The following SPTA1 variants were observed in gnomAD, a reference collection of about 807,000 sequenced individuals.
SPTA1 encodes spectrin alpha chain, erythrocytic 1.
A neutral mutation model predicts 324.7 loss-of-function variants in SPTA1; 177 were observed. The ratio of observed to expected loss-of-function variants is 0.55; its 90% CI spans 0.48 to 0.62. The LOEUF (loss-of-function observed/expected upper bound fraction) is 0.62. Ranked by LOEUF, SPTA1 falls within the 20% of genes least tolerant of loss-of-function variation. The pLI is 0.00. For missense variants in SPTA1, 3,162 were observed against 2,883.6 expected (o/e 1.10, Z -2.21); for synonymous variants, 1,195 against 1,041.3 (o/e 1.15, Z -2.84).
At position 158,677,685 on chromosome 1, in the gene SPTA1, A is replaced by G. The variant is rs751174951; in HGVS notation, c.957+5T>C. On this transcript the variant is annotated splice_donor_5th_base_variant and intron_variant, in intron 7 of 51. Coordinates refer to ENST00000643759, the MANE Select transcript of SPTA1 (RefSeq NM_003126.4). ...GGGTTAGCCATTTCTCTAACAGCGC[A>G]TTACCTTGTCACTCATGACAGCAAG... The G allele has an allele frequency of 1.2e-6, 2 of 1,613,180 alleles. No homozygotes were observed. Among genetic ancestry groups the G allele is most frequent in the Non-Finnish European group, 1.7e-6 (2 of 1,179,560 alleles).
chr1:158,633,294 G>GT (rs781555291), intron 39 of SPTA1, among the ~76,000 whole-genome samples: 1 of 152,092 alleles, frequency 6.6e-6, no homozygotes, highest in African/African-American at 2.4e-5. Context: ...TTTTCTGGAT[G>GT]TTTCCATTAG....
intron 7 of SPTA1, among the ~76,000 whole-genome samples, chr1:158,677,110 T>C (rs894241711): frequency 6.6e-6 from 1 of 152,170 alleles, no homozygotes. Context: ...GTTTACGTTC[T>C]GGCTACATTT....
chr1:158,618,146 G>T, intron 45 of SPTA1, 90 bp from the exon 46 acceptor site: 2 of 1,338,622 alleles, frequency 1.5e-6, no homozygotes, highest in Non-Finnish European at 2.1e-6. Flanking sequence ...CATTTCCTCA[G>T]ATTTATGAAA....
intron 3 of SPTA1, among the ~76,000 whole-genome samples, chr1:158,682,861 A>G (rs1221768363): frequency 6.6e-6 from 1 of 152,104 alleles, no homozygotes; most frequent in African/African-American, 2.4e-5. Flanking sequence ...ACTACATGAC[A>G]TTTGGGAGTT....
intron 16 of SPTA1, among the ~76,000 whole-genome samples, chr1:158,664,498 G>T (rs1571488896): frequency 6.6e-6 from 1 of 152,116 alleles, no homozygotes; most frequent in South Asian, 2.1e-4. Flanking sequence ...TGGACACAGG[G>T]AGGGGAACAT....
At position 158,648,583 on chromosome 1, in the gene SPTA1, C is replaced by G; in HGVS notation, c.3640G>C (p.Asp1214His). ...TGAAGAGCCTGAACACTGAACAGAT[C>G]TGAGCCAGGGTCTGCAGCACTGAGG... The part of the protein sequence containing the change: ...QALSAADPGS[D>H]LFSVQALQRR... The change falls in exon 26 of 52, where the codon GAT (aspartate) becomes CAT (histidine). Residue 1214 changes from aspartate to histidine, a missense_variant. By Grantham distance (81) the Asp-to-His change is moderately conservative (BLOSUM62 -1). Coordinates refer to ENST00000643759, the MANE Select transcript of SPTA1 (RefSeq NM_003126.4). The G allele has an allele frequency of 1.2e-6, 2 of 1,614,030 alleles. No homozygotes were observed. Among genetic ancestry groups the G allele is most frequent in the East Asian group, 2.2e-5 (1 of 44,872 alleles).
chr1:158,666,244 T>C, intron 16 of SPTA1, 72 bp downstream of exon 16: 1 of 1,498,140 alleles, frequency 6.7e-7, no homozygotes, highest in Non-Finnish European at 9.2e-7. Context: ...TAATTACTTA[T>C]TACTTAATAA....
rs766595064 is a variant in SPTA1, at chr1:158,614,246, T to C, written c.6842+7A>G. 3 of 1,573,326 alleles carry C rather than the reference T, an allele frequency of 1.9e-6. No individual in the cohort carries two copies. In the Admixed American group the frequency reaches 5.0e-5, roughly 26 times the overall value. ...AAAGAAGCAGTTAACTATGAAATTA[T>C]ACTCACTTATAGATTGTGCTAAATT... is the stretch of plus-strand genomic sequence containing the variant. On this transcript the variant is annotated splice_region_variant and intron_variant, in intron 49 of 51. Coordinates refer to ENST00000643759, the MANE Select transcript of SPTA1 (RefSeq NM_003126.4).
intron 27 of SPTA1, 100 bp downstream of exon 27, chr1:158,647,439 T>A: frequency 6.9e-7 from 1 of 1,452,696 alleles, no homozygotes; most frequent in East Asian, 2.3e-5. Context: ...TTAAACGTAG[T>A]GATGCCCTCC....
intron 47 of SPTA1, among the ~76,000 whole-genome samples, chr1:158,615,685 C>T (rs1307495747): frequency 6.9e-6 from 1 of 144,868 alleles, no homozygotes; most frequent in South Asian, 2.2e-4. Flanking sequence ...TCTATATATT[C>T]TTTCTATCTA....
At chr1:158,621,871 A>G (rs954385641) in intron 43 of SPTA1, among the ~76,000 whole-genome samples, 2 of 151,910 alleles carry the variant, frequency 1.3e-5, no homozygotes, top group Admixed American at 6.6e-5. Flanking sequence ...ATTTCCTTTT[A>G]TTTATTTTTT....
intron 14 of SPTA1, 131 bp downstream of exon 14, chr1:158,669,276 CT>C: frequency 1.6e-6 from 2 of 1,277,690 alleles, no homozygotes; most frequent in Admixed American, 3.5e-5. Context: ...TTGCCCTTTT[CT>C]GAGCCTCTGT....
Position 158,667,721 on chromosome 1 carries a change from A to C in SPTA1, c.2038+137T>G, listed in dbSNP as rs1653711968. On this transcript the variant is annotated intron_variant, in intron 15 of 51. Coordinates refer to ENST00000643759, the MANE Select transcript of SPTA1 (RefSeq NM_003126.4). ...GTTGGATTTTTAAAATTTTACCAAT[A>C]AAAGAAAGACACATGGAAGCAAATG... is the stretch of plus-strand genomic sequence containing the variant. 8 of 909,162 alleles carry C rather than the reference A, an allele frequency of 8.8e-6. No individual in the cohort carries two copies. In the South Asian group the frequency reaches 1.4e-4, roughly 16 times the overall value. 56.3% of individuals were successfully genotyped at this position (909,162 alleles called of 1,614,324 possible). A position where few individuals can be genotyped will look rare whatever the true frequency, so the allele number is the denominator to read the frequency against.
rs1208640421 is a variant in SPTA1 at position 158,652,677 on chromosome 1, G to A, written c.3189-24C>T. The A allele has an allele frequency of 4.3e-6, 7 of 1,613,448 alleles. No homozygotes were observed. The African/African-American group carries it at 5.3e-5, about 12-fold the overall frequency. ...ATCTGGATGGAGAATTGGGAAAAGT[G>A]GAATAAAAGAAGGAGAAAATACAGA... On this transcript the variant is annotated intron_variant, in intron 22 of 51. Coordinates refer to ENST00000643759, the MANE Select transcript of SPTA1 (RefSeq NM_003126.4).
At chr1:158,655,377 A>G (rs1652758674) in intron 20 of SPTA1, among the ~76,000 whole-genome samples, 2 of 152,112 alleles carry the variant, frequency 1.3e-5, no homozygotes, top group Admixed American at 1.3e-4. Flanking sequence ...CTTTCTGCCA[A>G]TTTCATGTCT....
intron 39 of SPTA1, among the ~76,000 whole-genome samples, chr1:158,634,337 A>G (rs548804946): frequency 2.6e-5 from 4 of 152,338 alleles, no homozygotes; most frequent in African/African-American, 9.6e-5. Context: ...TCCTGCCTTC[A>G]TGCCTGATTG....
chr1:158,665,742 T>G (rs1653548223), intron 16 of SPTA1, among the ~76,000 whole-genome samples: 1 of 152,226 alleles, frequency 6.6e-6, no homozygotes, highest in African/African-American at 2.4e-5. Flanking sequence ...TCAATTTTCC[T>G]TATTTTAAAA....
chr1:158,656,754 G>T, intron 19 of SPTA1, 98 bp from the exon 20 acceptor site: 1 of 1,114,614 alleles, frequency 9.0e-7, no homozygotes, highest in South Asian at 1.3e-5. Flanking sequence ...CTTAAATCCT[G>T]GTAAAAGCTG....
At chr1:158,641,094 C>T (rs1396038377) in intron 33 of SPTA1, among the ~76,000 whole-genome samples, 1 of 151,894 alleles carries the variant, frequency 6.6e-6, no homozygotes, top group African/African-American at 2.4e-5. Context: ...GCTGGGAAAA[C>T]TGGCTAGACA....
Sources: allele counts gnomAD v4.1 joint callset (sites outside exome capture counted in the v4.1 genomes callset), GRCh38; gene constraint gnomAD v4.1.1; transcripts MANE v1.5; gene names NCBI Gene and HGNC (gene_info 2026-07-23, HGNC 2026-07-21).